The following ANKRD13B variants were observed in gnomAD, a reference collection of about 807,000 sequenced individuals.
ANKRD13B encodes ankyrin repeat domain 13B, also known as ankyrin repeat domain-containing protein 13B.
Under a neutral mutation model 74.4 loss-of-function variants are expected in ANKRD13B, and 33 were observed. The observed-to-expected ratio is 0.44, with a 90% CI of 0.34 to 0.59. ANKRD13B has a LOEUF of 0.59. Ranked by LOEUF, ANKRD13B falls within the 20% of genes least tolerant of loss-of-function variation. ANKRD13B has a pLI of 0.02. For synonymous variants in ANKRD13B, 341 were observed against 362.9 expected (o/e 0.94, Z 0.68); for missense variants, 676 against 877.9 (o/e 0.77, Z 2.91).
chr17:29,613,020 C>G (rs1334766300), intron 14 of ANKRD13B, 57 bp downstream of exon 14: 1 of 1,559,746 alleles, frequency 6.4e-7, no homozygotes, highest in African/African-American at 1.4e-5. Flanking sequence ...CTCCCCTAAG[C>G]CAGGACACAG....
rs1476501749 is a variant in ANKRD13B, at chr17:29,593,246, T to TCCCCGGGGCCCGCGTCCCGTGCG, written c.-371_-349dup. On this transcript the variant is annotated 5_prime_UTR_variant, in exon 1 of 15. Coordinates refer to ENST00000394859, the MANE Select transcript of ANKRD13B (RefSeq NM_152345.5). ...GCGGGCGCGCGTCCCTGCGGCGGCG[T>TCCCCGGGGCCCGCGTCCCGTGCG]CCCCGGGGCCCGCGTCCCGTGCGCC... is the stretch of plus-strand genomic sequence containing the variant. Among the ~76,000 whole-genome samples, 23 of 147,382 alleles carry TCCCCGGGGCCCGCGTCCCGTGCG rather than the reference T, an allele frequency of 1.6e-4. No homozygotes were observed. The highest frequency in any genetic ancestry group is 4.5e-5 in the Non-Finnish European group (3 of 66,292).
At chr17:29,593,846 G>A in intron 1 of ANKRD13B, 111 bp downstream of exon 1, 1 of 509,372 alleles carries the variant, frequency 2.0e-6, no homozygotes, top group Non-Finnish European at 2.9e-6. Flanking sequence ...TTTGCGGCGC[G>A]TCTTTGTTTG....
chr17:29,607,061 C>T (rs1033995051), intron 1 of ANKRD13B, among the ~76,000 whole-genome samples: 1 of 151,018 alleles, frequency 6.6e-6, no homozygotes. Flanking sequence ...CCAAAAAAAA[C>T]ACAAAAAAAA....
intron 1 of ANKRD13B, among the ~76,000 whole-genome samples, chr17:29,602,319 G>C (rs974451351): frequency 1.3e-4 from 19 of 151,830 alleles, no homozygotes; most frequent in Non-Finnish European, 1.2e-4. Context: ...GGCGTGAACC[G>C]GGGAAGCGGA....
At position 29,613,481 on chromosome 17, in the gene ANKRD13B, A is replaced by G; in HGVS notation, c.1780A>G (p.Met594Val). Residue 594 changes from methionine (M) to valine (V), a missense_variant, in exon 15 of 15, where the codon ATG (methionine) becomes GTG (valine). Met to Val is a conservative substitution (Grantham distance 21). Coordinates refer to ENST00000394859, the MANE Select transcript of ANKRD13B (RefSeq NM_152345.5). The stretch of plus-strand genomic sequence containing the variant: ...CTACGACGAGCAGCTGCGGCTGGCG[A>G]TGGAACTGTCGGCGCAGGAGCAGGA... Reference protein sequence around the residue: ...RSYDEQLRLAMELSAQEQEER... With the variant: ...RSYDEQLRLAVELSAQEQEER... The G allele has an allele frequency of 6.5e-7, 1 of 1,532,716 alleles. No individual in the cohort carries two copies. The highest frequency in any genetic ancestry group is 8.8e-7 in the Non-Finnish European group (1 of 1,141,710). The allele number at this position is 1,532,716 out of a possible 1,614,324, so 94.9% of individuals were successfully genotyped here.
chr17:29,606,064 C>T (rs2034361601), intron 1 of ANKRD13B, among the ~76,000 whole-genome samples: 1 of 151,760 alleles, frequency 6.6e-6, no homozygotes, highest in South Asian at 2.1e-4. Flanking sequence ...AGGCATGGGC[C>T]ACCACGCCTG....
intron 1 of ANKRD13B, among the ~76,000 whole-genome samples, chr17:29,596,044 C>G (rs1016975940): frequency 6.6e-6 from 1 of 151,978 alleles, no homozygotes; most frequent in East Asian, 1.9e-4. Flanking sequence ...GGCCTCTAGT[C>G]CCCCTGGTAC....
chr17:29,595,181 G>A (rs1280595851), intron 1 of ANKRD13B, among the ~76,000 whole-genome samples: 1 of 152,198 alleles, frequency 6.6e-6, no homozygotes, highest in Non-Finnish European at 1.5e-5. Context: ...AGTGCCCCCA[G>A]GAAACAGATG....
intron 7 of ANKRD13B, among the ~76,000 whole-genome samples, chr17:29,610,390 T>C (rs977031093): frequency 2.0e-5 from 3 of 152,172 alleles, no homozygotes; most frequent in African/African-American, 7.2e-5. Flanking sequence ...TCCATTTTAT[T>C]GTCTCCTTAT....
chr17:29,598,709 G>A (rs1227163856), intron 1 of ANKRD13B, among the ~76,000 whole-genome samples: 2 of 151,974 alleles, frequency 1.3e-5, no homozygotes, highest in Non-Finnish European at 2.9e-5. Flanking sequence ...CACCATGCCT[G>A]GCTAATTTTT....
At position 29,612,020 on chromosome 17, in the gene ANKRD13B, C is replaced by T. The variant is rs753338763; in HGVS notation, c.1100+14C>T. 19 of 1,610,422 alleles carry T rather than the reference C, an allele frequency of 1.2e-5. No homozygotes were observed. The highest frequency in any genetic ancestry group is 5.4e-5 in the African/African-American group (4 of 74,736). ...CAAGACACAGAAGTGAGGCCCCTGC[C>T]GGTGCTGGGAAGGTGGGGGGCCGGG... On this transcript the variant is annotated intron_variant, in intron 10 of 14. Coordinates refer to ENST00000394859, the MANE Select transcript of ANKRD13B (RefSeq NM_152345.5). This position sits in a 1 kb window ranked among gnomAD's most constrained non-coding sequence, Gnocchi z 6.1.
Position 29,612,537 on chromosome 17 carries a change from G to T in ANKRD13B, c.1394G>T (p.Ser465Ile). ...PSPGSDSSSVSSSSSTTSCRG... is the reference protein window; with the variant it reads ...PSPGSDSSSVISSSSTTSCRG... ...CCAGGCAGCGACTCCTCCAGCGTCA[G>T]CAGCTCCAGCTCCACGAGTGAGGCC... Residue 465 changes from serine to isoleucine, a missense_variant, in exon 12 of 15, where the codon AGC becomes ATC. Coordinates refer to ENST00000394859, the MANE Select transcript of ANKRD13B (RefSeq NM_152345.5). This position sits in a 1 kb window ranked among gnomAD's most constrained non-coding sequence, Gnocchi z 6.1. The T allele has an allele frequency of 1.3e-6, 2 of 1,498,902 alleles. No individual in the cohort carries two copies. Among genetic ancestry groups the T allele is most frequent in the Non-Finnish European group, 1.8e-6 (2 of 1,114,966 alleles). The allele number at this position is 1,498,902 out of a possible 1,614,324, so 92.9% of individuals were successfully genotyped here. A position where few individuals can be genotyped will look rare whatever the true frequency, so the allele number is the denominator to read the frequency against.
Position 29,600,410 on chromosome 17 carries a change from G to A in ANKRD13B, c.114+6675G>A, listed in dbSNP as rs143677360. Among the ~76,000 whole-genome samples the A allele has an allele frequency of 2.9e-3, 438 of 152,232 alleles. 3 individuals carry two copies. The highest frequency in any genetic ancestry group is 3.4e-3 in the Non-Finnish European group (230 of 68,004). On this transcript the variant is annotated intron_variant, in intron 1 of 14. Transcript: ENST00000394859. ...TTCCTACTCGGGTAGATAGGGTGGT[G>A]GTGGTGTGACCTGGCTGCCAGTGGT... is the stretch of plus-strand genomic sequence containing the variant.
chr17:29,596,287 G>A (rs1426481085), intron 1 of ANKRD13B, among the ~76,000 whole-genome samples: 1 of 152,280 alleles, frequency 6.6e-6, no homozygotes, highest in African/African-American at 2.4e-5. Flanking sequence ...GAAGCAGGGA[G>A]TGATGGGCAG....
chr17:29,612,380 C>G lies in ANKRD13B; in HGVS notation c.1259-22C>G. 1.2e-6 allele frequency: 2 copies of G among 1,612,818 alleles called. No homozygotes were observed. The highest frequency in any genetic ancestry group is 8.5e-7 in the Non-Finnish European group (1 of 1,179,370). ...GGTGTGAGGGGCTGAGTGGTGGCGC[C>G]TAAAGGTTTCCTCATCCTCAGAAAT... is the stretch of plus-strand genomic sequence containing the variant. On this transcript the variant is annotated intron_variant, in intron 11 of 14. Transcript: ENST00000394859. This position sits in a 1 kb window ranked among gnomAD's most constrained non-coding sequence, Gnocchi z 6.1.
At chr17:29,602,778 G>A (rs1335103165) in intron 1 of ANKRD13B, among the ~76,000 whole-genome samples, 2 of 152,206 alleles carry the variant, frequency 1.3e-5, no homozygotes, top group African/African-American at 4.8e-5. Flanking sequence ...CTTAGGAGGG[G>A]CACCATTCTT....
chr17:29,605,538 C>A (rs900154215), intron 1 of ANKRD13B, among the ~76,000 whole-genome samples: 2 of 151,840 alleles, frequency 1.3e-5, no homozygotes, highest in African/African-American at 4.8e-5. Context: ...TGTGATGATA[C>A]CTCACTGCAG....
Position 29,613,549 on chromosome 17 carries a change from G to A in ANKRD13B, c.1848G>A (p.Glu616=). ...CGCGCCAGGAGGAGGAGGAGCTGGA[G>A]CGCATCCTGAGGCTCTCACTGACCG... ...RRARQEEEEL[E]RILRLSLTEQ is the part of the protein sequence containing the mutation. Residue 616 remains glutamate (E), a synonymous_variant, in exon 15 of 15, where the codon GAG becomes GAA. Transcript: ENST00000394859. 1 of 1,518,366 alleles carries A rather than the reference G, an allele frequency of 6.6e-7. No individual in the cohort carries two copies. The highest frequency in any genetic ancestry group is 2.7e-5 in the East Asian group (1 of 37,650). The allele number at this position is 1,518,366 out of a possible 1,614,324, so 94.1% of individuals were successfully genotyped here. A position where few individuals can be genotyped will look rare whatever the true frequency, so the allele number is the denominator to read the frequency against.
chr17:29,595,622 T>C (rs531727272), intron 1 of ANKRD13B, among the ~76,000 whole-genome samples: 1 of 152,192 alleles, frequency 6.6e-6, no homozygotes, highest in African/African-American at 2.4e-5. Context: ...GCTCATGTGT[T>C]TCTCTCTCCC....
Sources: allele counts gnomAD v4.1 joint callset (sites outside exome capture counted in the v4.1 genomes callset), GRCh38; gene constraint gnomAD v4.1.1; non-coding constraint Gnocchi (gnomAD v3.1); transcripts MANE v1.5; gene names NCBI Gene and HGNC (gene_info 2026-07-23, HGNC 2026-07-21).